TANK: variants seen among roughly 807,000 people sequenced by gnomAD.
TANK encodes the protein TRAF family member-associated NF-kappa-B activator.
TANK carries 15 observed loss-of-function variants against 43.6 expected under a neutral mutation model. The ratio of observed to expected loss-of-function variants is 0.34; its 90% CI spans 0.23 to 0.53. The LOEUF is 0.53. TANK is among the 20% of genes least tolerant of loss of function. The probability of loss-of-function intolerance (pLI) is 0.94; values close to 1 mark genes in which losing one functional copy is unlikely to be tolerated. For missense variants in TANK, 417 were observed against 498.6 expected (o/e 0.84, Z 1.56); for synonymous variants, 162 against 178.2 (o/e 0.91, Z 0.73).
chr2:161,228,877 G>C (rs764643510), intron 6 of TANK, among the ~76,000 whole-genome samples: 57 of 152,184 alleles, frequency 3.7e-4, no homozygotes, highest in Non-Finnish European at 7.2e-4. Flanking sequence ...GTAACATGTT[G>C]TATAGGTTTG....
intron 2 of TANK, among the ~76,000 whole-genome samples, chr2:161,189,137 A>G (rs543178193): frequency 3.5e-4 from 54 of 152,314 alleles, no homozygotes; most frequent in African/African-American, 1.2e-3. Context: ...AAAATCCTCA[A>G]CAAAACACTA....
At chr2:161,213,004 A>G (rs1034638256) in intron 4 of TANK, among the ~76,000 whole-genome samples, 1 of 152,240 alleles carries the variant, frequency 6.6e-6, no homozygotes, top group African/African-American at 2.4e-5. Context: ...CCAGCATTGC[A>G]AAGATCCCAT....
At chr2:161,204,849 C>A in intron 4 of TANK, 56 bp downstream of exon 4, 1 of 1,580,658 alleles carries the variant, frequency 6.3e-7, no homozygotes, top group South Asian at 1.2e-5. Context: ...GACATAGCTT[C>A]CTCATTTTAT....
intron 1 of TANK, chr2:161,161,097 G>A (rs1272428568): frequency 2.0e-6 from 2 of 1,008,780 alleles, no homozygotes; most frequent in African/African-American, 1.6e-5. Context: ...TGGGAACCCA[G>A]GCGTTAGGTA....
chr2:161,232,794 G>A (rs1376229257), intron 7 of TANK: 1 of 1,550,550 alleles, frequency 6.4e-7, no homozygotes, highest in South Asian at 1.2e-5. Flanking sequence ...CTATACTACA[G>A]CAAGGGAAAC....
intron 1 of TANK, among the ~76,000 whole-genome samples, chr2:161,147,895 A>G (rs1683961816): frequency 6.6e-6 from 1 of 151,944 alleles, no homozygotes; most frequent in South Asian, 2.1e-4. Flanking sequence ...TGTATATACC[A>G]CTAATTATTT....
chr2:161,150,927 A>T (rs181348869), intron 1 of TANK, among the ~76,000 whole-genome samples: 1 of 152,058 alleles, frequency 6.6e-6, no homozygotes, highest in African/African-American at 2.4e-5. Context: ...TACTGCTATT[A>T]ATTTTCCTCT....
At chr2:161,165,897 C>G (rs1684656685) in intron 1 of TANK, among the ~76,000 whole-genome samples, 1 of 152,168 alleles carries the variant, frequency 6.6e-6, no homozygotes, top group African/African-American at 2.4e-5. Flanking sequence ...ACATCACATG[C>G]CTGCTTTCCC....
intron 2 of TANK, among the ~76,000 whole-genome samples, chr2:161,190,725 TTA>T (rs1363335878): frequency 6.6e-6 from 1 of 152,104 alleles, no homozygotes; most frequent in African/African-American, 2.4e-5. Context: ...ATGATTAAAT[TTA>T]TGTGAGACAC....
intron 4 of TANK, chr2:161,207,622 A>G (rs973549721): frequency 1.8e-5 from 18 of 985,410 alleles, no homozygotes; most frequent in Non-Finnish European, 1.9e-5. Flanking sequence ...AATTAGGCCT[A>G]TGTTAGAAAA....
At chr2:161,160,398 T>A, upstream of TANK, 1 of 1,241,004 alleles carries the variant, frequency 8.1e-7, no homozygotes, top group Non-Finnish European at 1.0e-6. Context: ...CCCTCTGAAC[T>A]GGAACAAAAT....
chr2:161,200,363 GT>G, intron 2 of TANK: 1 of 984,524 alleles, frequency 1.0e-6, no homozygotes, highest in Non-Finnish European at 1.2e-6. Flanking sequence ...GACTTTTCTG[GT>G]TTTAAGTTTA....
At chr2:161,232,546 C>T (rs1166558028) in intron 7 of TANK, among the ~76,000 whole-genome samples, 1 of 152,194 alleles carries the variant, frequency 6.6e-6, no homozygotes. Flanking sequence ...TTAATTATAA[C>T]CTCACTTATG....
rs1267036 is a variant in TANK, at chr2:161,219,955, T to C, written c.328-3960T>C. Reference sequence around the variant, plus strand: ...CCTATTCCATAGTTTATATTCCCTCTACCAATCCATCCCATCCCACCTTGG... The same window carrying C: ...CCTATTCCATAGTTTATATTCCCTCCACCAATCCATCCCATCCCACCTTGG... On this transcript the variant is annotated intron_variant, in intron 4 of 7. Transcript: ENST00000392749. 1,416 of 251,664 alleles carry C rather than the reference T, an allele frequency of 5.6e-3. 22 individuals carry two copies. The highest frequency in any genetic ancestry group is 0.031 in the African/African-American group (1,351 of 43,092). The allele number at this position is 251,664 out of a possible 1,614,324, so 15.6% of individuals were successfully genotyped here. A position where few individuals can be genotyped will look rare whatever the true frequency, so the allele number is the denominator to read the frequency against.
At chr2:161,234,135 G>C (rs1371102149) in intron 7 of TANK, among the ~76,000 whole-genome samples, 2 of 152,174 alleles carry the variant, frequency 1.3e-5, no homozygotes, top group East Asian at 3.8e-4. Flanking sequence ...GTACACAGCT[G>C]TCCAGTAAAC....
upstream of TANK, chr2:161,160,344 G>A (rs1011742586): frequency 5.9e-6 from 6 of 1,014,450 alleles, no homozygotes; most frequent in African/African-American, 1.0e-4. Flanking sequence ...CCCTGGCCTT[G>A]TTGGGTGGAG....
chr2:161,170,782 T>C (rs1331130003), intron 1 of TANK, among the ~76,000 whole-genome samples: 4 of 152,186 alleles, frequency 2.6e-5, no homozygotes, highest in Non-Finnish European at 5.9e-5. Context: ...CAGAGGTCCA[T>C]AGAAAGGTTA....
intron 1 of TANK, among the ~76,000 whole-genome samples, chr2:161,171,689 C>CTT (rs905470831): frequency 5.9e-5 from 9 of 152,084 alleles, no homozygotes; most frequent in African/African-American, 1.9e-4. Flanking sequence ...AATTTCAACT[C>CTT]TTTTTTCATA....
intron 1 of TANK, among the ~76,000 whole-genome samples, chr2:161,166,806 C>A (rs1558969151): frequency 1.3e-5 from 2 of 151,480 alleles, no homozygotes; most frequent in Non-Finnish European, 2.9e-5. Flanking sequence ...AAAAAAAAAA[C>A]AAAAAACAAA....
Sources: gnomAD v4.1 joint callset for allele counts (sites outside exome capture counted in the v4.1 genomes callset) on GRCh38, gnomAD v4.1.1 for gene constraint, MANE v1.5 for transcripts, NCBI Gene and HGNC (gene_info 2026-07-23, HGNC 2026-07-21) for gene names.